Variants in LY86 observed in about 807,000 individuals in gnomAD.
LY86 encodes the protein MD-1, RP105-associated.
In LY86, 20 loss-of-function variants were observed where a neutral mutation model predicts 17.3. The ratio of observed to expected loss-of-function variants is 1.15; its 90% CI spans 0.81 to 1.68. The LOEUF (loss-of-function observed/expected upper bound fraction) is 1.68. Among genes scored for constraint, LY86 ranks in the 40% most tolerant of loss-of-function variants. LY86 has a pLI of 0.00. For synonymous variants in LY86, 74 were observed against 70.6 expected (o/e 1.05, Z -0.24); for missense variants, 200 against 191.9 (o/e 1.04, Z -0.25).
chr6:6,623,896 G>C, intron 1 of LY86, among the ~76,000 whole-genome samples: 1 of 152,234 alleles, frequency 6.6e-6, no homozygotes, highest in Non-Finnish European at 1.5e-5. Flanking sequence ...TTTAGATTCA[G>C]TGTTGCAGGA....
At chr6:6,622,855 A>G (rs1390048123) in intron 1 of LY86, 1 of 152,236 alleles carries the variant, frequency 6.6e-6, no homozygotes, top group Non-Finnish European at 1.5e-5. Flanking sequence ...TTACAAATCA[A>G]ATAAGTAACA....
At chr6:6,626,556 C>A in intron 3 of LY86, 135 bp downstream of exon 3, 1 of 913,366 alleles carries the variant, frequency 1.1e-6, no homozygotes, top group Non-Finnish European at 1.7e-6. Context: ...CCTCACTTAT[C>A]AGCATGTGTT....
intron 3 of LY86, 137 bp from the exon 4 acceptor site, chr6:6,649,488 T>TG: frequency 4.2e-6 from 2 of 475,910 alleles, no homozygotes; most frequent in Non-Finnish European, 3.6e-6. Context: ...GATCAGGAAA[T>TG]GAAAACATTT....
At chr6:6,636,939 G>A (rs1761968027) in intron 3 of LY86, among the ~76,000 whole-genome samples, 1 of 148,564 alleles carries the variant, frequency 6.7e-6, no homozygotes, top group African/African-American at 2.5e-5. Context: ...CCTCTAGAGG[G>A]TACAAGCAAT....
chr6:6,624,639 C>T (rs1300616480), intron 1 of LY86, among the ~76,000 whole-genome samples: 1 of 152,120 alleles, frequency 6.6e-6, no homozygotes, highest in African/African-American at 2.4e-5. Flanking sequence ...CAATGATAAA[C>T]ATTTTCTATG....
intron 3 of LY86, among the ~76,000 whole-genome samples, chr6:6,631,262 A>C (rs1423927852): frequency 1.3e-5 from 2 of 152,158 alleles, no homozygotes; most frequent in South Asian, 2.1e-4. Context: ...TTTTTCCTAC[A>C]TACACCCTCA....
At chr6:6,592,669 G>A (rs1221099811) in intron 1 of LY86, among the ~76,000 whole-genome samples, 3 of 152,174 alleles carry the variant, frequency 2.0e-5, no homozygotes, top group Admixed American at 2.0e-4. Flanking sequence ...CTTCATAAAT[G>A]GGATTAATAT....
At chr6:6,624,483 G>C (rs1050801580) in intron 1 of LY86, among the ~76,000 whole-genome samples, 1 of 151,734 alleles carries the variant, frequency 6.6e-6, no homozygotes, top group African/African-American at 2.4e-5. Context: ...AAAATATTTT[G>C]AGCCTAAGTA....
chr6:6,611,017 T>A (rs1761318301), intron 1 of LY86, among the ~76,000 whole-genome samples: 2 of 152,234 alleles, frequency 1.3e-5, no homozygotes, highest in Non-Finnish European at 2.9e-5. Flanking sequence ...GAAAATTATC[T>A]TGTTTTTCCA....
chr6:6,639,462 A>G (rs948391558), intron 3 of LY86, among the ~76,000 whole-genome samples: 1 of 152,176 alleles, frequency 6.6e-6, no homozygotes, highest in Non-Finnish European at 1.5e-5. Flanking sequence ...CCATCAATTG[A>G]TTCTCTTACA....
chr6:6,612,421 A>C (rs1040844485), intron 1 of LY86, among the ~76,000 whole-genome samples: 8 of 152,244 alleles, frequency 5.3e-5, no homozygotes, highest in African/African-American at 1.7e-4. Flanking sequence ...CACTGGCCTC[A>C]TAAAAGAAAC....
chr6:6,621,980 C>G (rs774524171), intron 1 of LY86, among the ~76,000 whole-genome samples: 1 of 151,816 alleles, frequency 6.6e-6, no homozygotes, highest in African/African-American at 2.4e-5. Flanking sequence ...GAGGAAGAAC[C>G]AATGTCACTT....
At position 6,637,675 on chromosome 6, in the gene LY86, C is replaced by G. The variant is rs374990001; in HGVS notation, c.352+11254C>G. 7.9e-5 allele frequency among the ~76,000 whole-genome samples: 12 copies of G among 152,274 alleles called. No homozygotes were observed. The East Asian group carries it at 1.9e-3, about 24-fold the overall frequency. On this transcript the variant is annotated intron_variant, in intron 3 of 4. Coordinates refer to ENST00000230568, the MANE Select transcript of LY86 (RefSeq NM_004271.4). ...ATTTGCATTTTAAGAAACTAAACATCCCGAGAGCCCTGAGTGTGTGAGCCC... is the reference window on the plus strand; with the variant it reads ...ATTTGCATTTTAAGAAACTAAACATGCCGAGAGCCCTGAGTGTGTGAGCCC...
chr6:6,626,224 T>G, intron 2 of LY86, 69 bp from the exon 3 acceptor site: 1 of 1,497,740 alleles, frequency 6.7e-7, no homozygotes. Context: ...TGCTGCTGTA[T>G]ACTGTGAATG....
At chr6:6,615,955 T>C (rs1299615950) in intron 1 of LY86, among the ~76,000 whole-genome samples, 1 of 152,200 alleles carries the variant, frequency 6.6e-6, no homozygotes, top group East Asian at 1.9e-4. Context: ...TAAAAAGAAG[T>C]TGGTTTCATT....
At chr6:6,645,144 T>C (rs567770611) in intron 3 of LY86, among the ~76,000 whole-genome samples, 3 of 152,270 alleles carry the variant, frequency 2.0e-5, no homozygotes, top group Admixed American at 6.5e-5. Context: ...TACTCATCCA[T>C]TTTTTAAAAC....
intron 1 of LY86, among the ~76,000 whole-genome samples, chr6:6,604,548 G>A (rs1463029382): frequency 1.3e-5 from 2 of 152,084 alleles, no homozygotes; most frequent in Non-Finnish European, 2.9e-5. Flanking sequence ...CTACCACAGA[G>A]AAATAAAACG....
chr6:6,615,527 G>T (rs1761532739), intron 1 of LY86, among the ~76,000 whole-genome samples: 1 of 152,064 alleles, frequency 6.6e-6, no homozygotes, highest in Admixed American at 6.5e-5. Context: ...TTCAAGACCA[G>T]CCTGGCCAAC....
In LY86 at chr6:6,608,814, T is replaced by C. The variant is rs577851081; in HGVS notation, c.137-16112T>C. On this transcript the variant is annotated intron_variant, in intron 1 of 4. Transcript: ENST00000230568. ...ACTCACACGTGGTGTTTAACTTGTGTGCAGGTCTGCGGGGGAAGGACGGCT... is the reference window on the plus strand; with the variant it reads ...ACTCACACGTGGTGTTTAACTTGTGCGCAGGTCTGCGGGGGAAGGACGGCT... Among the ~76,000 whole-genome samples, 10 of 152,378 alleles carry C rather than the reference T, an allele frequency of 6.6e-5. 2 individuals carry two copies. In the South Asian group the frequency reaches 2.1e-3, roughly 32 times the overall value.
Sources: allele counts gnomAD v4.1 joint callset (sites outside exome capture counted in the v4.1 genomes callset), GRCh38; gene constraint gnomAD v4.1.1; transcripts MANE v1.5; gene names NCBI Gene and HGNC (gene_info 2026-07-23, HGNC 2026-07-21).